The following INSC variants were observed in gnomAD, a reference collection of about 807,000 sequenced individuals.
INSC encodes the protein INSC spindle orientation adaptor protein.
INSC carries 67 observed loss-of-function variants against 58.6 expected under a neutral mutation model. That is an observed-to-expected ratio of 1.14 (90% CI 0.94 to 1.40). The LOEUF (loss-of-function observed/expected upper bound fraction) is 1.40. Ranked by LOEUF, INSC falls within the 40% of genes most tolerant of loss-of-function variation. INSC has a pLI of 0.00. For synonymous variants in INSC, 262 were observed against 276.1 expected (o/e 0.95, Z 0.51); for missense variants, 714 against 692.0 (o/e 1.03, Z -0.36).
intron 10 of INSC, among the ~76,000 whole-genome samples, chr11:15,236,748 G>A (rs777794303): frequency 1.3e-5 from 2 of 152,224 alleles, no homozygotes; most frequent in African/African-American, 2.4e-5. Flanking sequence ...GAGGCGGAGT[G>A]AGCTGGGAGC....
At chr11:15,202,198 C>G (rs964077745) in intron 7 of INSC, among the ~76,000 whole-genome samples, 1 of 151,880 alleles carries the variant, frequency 6.6e-6, no homozygotes, top group Non-Finnish European at 1.5e-5. Context: ...CGCTTCCCAC[C>G]GGGTTGGAAG....
chr11:15,145,275 T>A (rs1848464969), intron 1 of INSC, among the ~76,000 whole-genome samples: 1 of 152,210 alleles, frequency 6.6e-6, no homozygotes, highest in Non-Finnish European at 1.5e-5. Context: ...TTGGCAATTT[T>A]CCCAAGGTTA....
At chr11:15,197,973 A>AT (rs1247517964) in intron 6 of INSC, among the ~76,000 whole-genome samples, 3 of 151,738 alleles carry the variant, frequency 2.0e-5, no homozygotes, top group African/African-American at 4.8e-5. Context: ...AGGTCAGGCC[A>AT]TTCCCAGCTT....
At chr11:15,217,473 T>C (rs1851263820) in intron 7 of INSC, among the ~76,000 whole-genome samples, 1 of 152,280 alleles carries the variant, frequency 6.6e-6, no homozygotes, top group African/African-American at 2.4e-5. Context: ...GGCCTAAATC[T>C]AATGTCTGTG....
chr11:15,202,915 C>G (rs1317082985), intron 7 of INSC, among the ~76,000 whole-genome samples: 1 of 152,220 alleles, frequency 6.6e-6, no homozygotes, highest in Non-Finnish European at 1.5e-5. Context: ...ATAGACGGCC[C>G]AGGCCCTAGC....
At chr11:15,120,676 A>C (rs1227331066) in intron 1 of INSC, among the ~76,000 whole-genome samples, 3 of 152,224 alleles carry the variant, frequency 2.0e-5, no homozygotes, top group African/African-American at 4.8e-5. Flanking sequence ...CTTTGTATGG[A>C]GTCTGGTCTG....
intron 5 of INSC, among the ~76,000 whole-genome samples, chr11:15,179,644 C>T (rs1350323081): frequency 6.6e-6 from 1 of 152,176 alleles, no homozygotes; most frequent in Non-Finnish European, 1.5e-5. Flanking sequence ...TCCTCAAGGG[C>T]CACTCTCCAT....
chr11:15,186,873 T>C (rs1332925560), intron 5 of INSC, among the ~76,000 whole-genome samples: 3 of 152,190 alleles, frequency 2.0e-5, no homozygotes, highest in Admixed American at 2.0e-4. Context: ...TTAAAATACT[T>C]TTTAAAAAAA....
At chr11:15,150,370 T>C (rs1447766549) in intron 2 of INSC, among the ~76,000 whole-genome samples, 2 of 152,252 alleles carry the variant, frequency 1.3e-5, no homozygotes, top group East Asian at 3.8e-4. Flanking sequence ...AAGGCCTCTC[T>C]TGTGGGGAAT....
intron 1 of INSC, among the ~76,000 whole-genome samples, chr11:15,144,626 C>T (rs1476570262): frequency 6.6e-6 from 1 of 152,198 alleles, no homozygotes; most frequent in Non-Finnish European, 1.5e-5. Flanking sequence ...ATATTGACAG[C>T]CCTAATGGGA....
intron 9 of INSC, among the ~76,000 whole-genome samples, chr11:15,229,966 AT>A (rs1564917024): frequency 1.6e-4 from 2 of 12,836 alleles, no homozygotes; most frequent in South Asian, 2.9e-3. Context: ...ATATTTATAT[AT>A]ATATATATAT....
At chr11:15,119,505 G>A (rs1847816191) in intron 1 of INSC, among the ~76,000 whole-genome samples, 1 of 152,222 alleles carries the variant, frequency 6.6e-6, no homozygotes, top group African/African-American at 2.4e-5. Flanking sequence ...ATCAGACTCT[G>A]TTTGGTGTGA....
the INSC span, among the ~76,000 whole-genome samples, chr11:15,256,189 G>A: frequency 2.6e-5 from 4 of 152,226 alleles, no homozygotes; most frequent in South Asian, 8.3e-4. Flanking sequence ...AGGCTTGGCT[G>A]CTCACACCAT....
chr11:15,120,130 C>A (rs569397911), intron 1 of INSC, among the ~76,000 whole-genome samples: 1 of 152,286 alleles, frequency 6.6e-6, no homozygotes, highest in African/African-American at 2.4e-5. Flanking sequence ...TCTCTCACTT[C>A]TCTGCATTTT....
chr11:15,175,767 T>C lies in INSC; in HGVS notation c.83T>C (p.Val28Ala). Residue 28 changes from valine to alanine, a missense_variant, in exon 3 of 13, where the codon GTC (valine) becomes GCC (alanine). Transcript: ENST00000379556. Reference sequence around the variant, plus strand: ...CTACACCTGATGCAGGTGGACTCAGTCCAGCGCTGGATGGAAGATCTGAAG... The same window carrying C: ...CTACACCTGATGCAGGTGGACTCAGCCCAGCGCTGGATGGAAGATCTGAAG... ...QRLHLMQVDS[V>A]QRWMEDLKLM... is the part of the protein sequence containing the mutation. 6.3e-7 allele frequency: 1 copy of C among 1,585,586 alleles called. No individual in the cohort carries two copies. The highest frequency in any genetic ancestry group is 8.6e-7 in the Non-Finnish European group (1 of 1,159,316).
intron 12 of INSC, chr11:15,241,473 A>G (rs952819012): frequency 8.9e-6 from 6 of 671,528 alleles, no homozygotes; most frequent in Admixed American, 8.5e-5. Flanking sequence ...TGTACCATTA[A>G]TGAGCTGTGT....
At position 15,214,467 on chromosome 11, in the gene INSC, C is replaced by A. The variant is rs56069224; in HGVS notation, c.820-7010C>A. On this transcript the variant is annotated intron_variant, in intron 7 of 12. Coordinates refer to ENST00000379556, the MANE Select transcript of INSC (RefSeq NM_001042536.3). ...AAACAAAAACAACCTCCCTAAAAAA[C>A]AAAACTAAGAAGAGCAGACTAGCAC... 6.4e-3 allele frequency among the ~76,000 whole-genome samples: 981 copies of A among 152,236 alleles called. 15 individuals are homozygous for A. The highest frequency in any genetic ancestry group is 0.023 in the African/African-American group (958 of 41,536).
chr11:15,199,471 A>G (rs1540153), intron 6 of INSC, among the ~76,000 whole-genome samples: 35,253 of 152,116 alleles, frequency 0.23, 5,346 homozygotes, highest in Non-Finnish European at 0.34. Flanking sequence ...GAATTGAGCT[A>G]TTTTGGTGAA....
intron 7 of INSC, among the ~76,000 whole-genome samples, chr11:15,214,916 G>A (rs1216999088): frequency 6.6e-6 from 1 of 152,188 alleles, no homozygotes; most frequent in Non-Finnish European, 1.5e-5. Flanking sequence ...GAATGACGCA[G>A]CAAGTGGGCT....
Sources: allele counts gnomAD v4.1 joint callset (sites outside exome capture counted in the v4.1 genomes callset), GRCh38; gene constraint gnomAD v4.1.1; transcripts MANE v1.5; gene names NCBI Gene and HGNC (gene_info 2026-07-23, HGNC 2026-07-21).